Variants in UHRF2 observed in about 807,000 individuals in gnomAD.
The protein encoded by UHRF2 is ubiquitin like with PHD and ring finger domains 2.
In UHRF2, 23 loss-of-function variants were observed where a neutral mutation model predicts 96.8. That is an observed-to-expected ratio of 0.24 (90% CI 0.17 to 0.34). The LOEUF (loss-of-function observed/expected upper bound fraction) is 0.34, where lower values mean the gene tolerates loss of function less well. Among genes scored for constraint, UHRF2 ranks in the 10% least tolerant of loss-of-function variants. The probability of loss-of-function intolerance (pLI) is 1.00; values close to 1 mark genes in which losing one functional copy is unlikely to be tolerated. For missense variants in UHRF2, 685 were observed against 981.5 expected (o/e 0.70, Z 4.04); for synonymous variants, 385 against 332.6 (o/e 1.16, Z -1.72).
At chr9:6,485,803 C>CAAAAAAAAAA (rs57868028) in intron 8 of UHRF2, among the ~76,000 whole-genome samples, 2 of 59,218 alleles carry the variant, frequency 3.4e-5, no homozygotes, top group Admixed American at 2.7e-4. Flanking sequence ...TGTCTCTACC[C>CAAAAAAAAAA]AAAAAAAAAA....
rs1825083027 is a variant in UHRF2, at chr9:6,498,334, G to A, written c.1908+176G>A. The A allele has an allele frequency of 2.2e-5, 14 of 641,554 alleles. No homozygotes were observed. The South Asian group carries it at 5.3e-4, about 24-fold the overall frequency. 39.7% of individuals were successfully genotyped at this position (641,554 alleles called of 1,614,324 possible). ...GAAGAGAAAAGGTAGTATCCTAGAT[G>A]TCAGACTGCCCTGGGACCAAGGGTT... is the stretch of plus-strand genomic sequence containing the variant. On this transcript the variant is annotated intron_variant, in intron 12 of 15. Transcript: ENST00000276893.
At chr9:6,433,816 G>C in intron 2 of UHRF2, 98 bp from the exon 3 acceptor site, 1 of 1,279,930 alleles carries the variant, frequency 7.8e-7, no homozygotes, top group Non-Finnish European at 1.1e-6. Flanking sequence ...TGCAAATATT[G>C]TTTACCATGA....
intron 4 of UHRF2, among the ~76,000 whole-genome samples, chr9:6,471,325 A>C (rs1358903744): frequency 6.6e-6 from 1 of 152,126 alleles, no homozygotes; most frequent in Non-Finnish European, 1.5e-5. Context: ...GAATTAGCTC[A>C]GCAAACTAAT....
intron 4 of UHRF2, among the ~76,000 whole-genome samples, chr9:6,469,881 A>G (rs571554582): frequency 6.6e-6 from 1 of 152,152 alleles, no homozygotes; most frequent in South Asian, 2.1e-4. Flanking sequence ...AAAATTTCCA[A>G]AACTGATTAA....
In UHRF2 at chr9:6,481,981, G is replaced by A; in HGVS notation, c.1285-11G>A. ...TAACTGATTTCTCAACGTTTGTTTT[G>A]CGTCTTGTAGGGAATGGCTTGTGTT... On this transcript the variant is annotated splice_polypyrimidine_tract_variant and intron_variant, in intron 7 of 15. Transcript: ENST00000276893. 1 of 1,608,902 alleles carries A rather than the reference G, an allele frequency of 6.2e-7. No individual in the cohort carries two copies. Among genetic ancestry groups the A allele is most frequent in the Non-Finnish European group, 8.5e-7 (1 of 1,178,256 alleles).
Position 6,439,060 on chromosome 9 carries a change from TACAA to T in UHRF2, c.644+4891_644+4894del, listed in dbSNP as rs796319703. Among the ~76,000 whole-genome samples the T allele has an allele frequency of 1.4e-3, 211 of 152,330 alleles. 1 individual carries two copies. The highest frequency in any genetic ancestry group is 4.8e-3 in the African/African-American group (199 of 41,574). ...CCACTATTCCTTCAAAAATTACAGA[TACAA>T]ACACTAAGTTTATGAAAAACAGGTT... On this transcript the variant is annotated intron_variant, in intron 3 of 15. Coordinates refer to ENST00000276893, the MANE Select transcript of UHRF2 (RefSeq NM_152896.3).
rs144328650 is a variant in UHRF2 at position 6,489,405 on chromosome 9, T to C, written c.1497+2480T>C. Among the ~76,000 whole-genome samples the C allele has an allele frequency of 6.3e-4, 96 of 152,340 alleles. 1 individual carries two copies. The East Asian group carries it at 0.013, about 21-fold the overall frequency. Reference sequence around the variant, plus strand: ...AACAGGTTTTTTGTAAACGTAAGTCTTTATTTCTTTGGAATAAATGCCCCA... The same window carrying C: ...AACAGGTTTTTTGTAAACGTAAGTCCTTATTTCTTTGGAATAAATGCCCCA... On this transcript the variant is annotated intron_variant, in intron 9 of 15. Coordinates refer to ENST00000276893, the MANE Select transcript of UHRF2 (RefSeq NM_152896.3).
intron 2 of UHRF2, among the ~76,000 whole-genome samples, chr9:6,421,377 A>G (rs151266722): frequency 1.5e-4 from 23 of 152,286 alleles, no homozygotes; most frequent in African/African-American, 5.5e-4. Context: ...TAATTGCACC[A>G]AGGTTAAGAA....
intron 4 of UHRF2, among the ~76,000 whole-genome samples, chr9:6,464,812 G>C (rs2130859277): frequency 6.6e-6 from 1 of 152,174 alleles, no homozygotes; most frequent in Non-Finnish European, 1.5e-5. Flanking sequence ...ATACAACAGA[G>C]CACATGATCC....
intron 4 of UHRF2, among the ~76,000 whole-genome samples, chr9:6,469,363 C>G (rs986819823): frequency 6.6e-6 from 1 of 151,776 alleles, no homozygotes; most frequent in African/African-American, 2.4e-5. Context: ...ACTGAAAATA[C>G]AAAAATTAGC....
At chr9:6,486,782 T>TACAATAA in intron 8 of UHRF2, 39 bp from the exon 9 acceptor site, 1 of 1,593,892 alleles carries the variant, frequency 6.3e-7, no homozygotes, top group Non-Finnish European at 8.6e-7. Flanking sequence ...ATCTTAACTG[T>TACAATAA]TCAGAGGTAT....
intron 3 of UHRF2, among the ~76,000 whole-genome samples, chr9:6,450,220 CT>C (rs1251360574): frequency 4.0e-5 from 6 of 151,828 alleles, no homozygotes; most frequent in Non-Finnish European, 8.8e-5. Flanking sequence ...TAAAAATGTA[CT>C]TAGGTTGTTC....
At chr9:6,428,314 C>G (rs1191571064) in intron 2 of UHRF2, among the ~76,000 whole-genome samples, 1 of 152,078 alleles carries the variant, frequency 6.6e-6, no homozygotes, top group African/African-American at 2.4e-5. Context: ...ACAATACTCC[C>G]AGGAACTTAC....
At chr9:6,475,010 A>C (rs1196368884) in intron 4 of UHRF2, among the ~76,000 whole-genome samples, 1 of 152,228 alleles carries the variant, frequency 6.6e-6, no homozygotes, top group Non-Finnish European at 1.5e-5. Flanking sequence ...CTACCAAAGG[A>C]CAAAACAAAC....
chr9:6,445,713 A>G (rs1356618722), intron 3 of UHRF2, among the ~76,000 whole-genome samples: 1 of 152,042 alleles, frequency 6.6e-6, no homozygotes, highest in Non-Finnish European at 1.5e-5. Context: ...GCATGCCACC[A>G]TAACTGGCTA....
chr9:6,500,032 G>A, intron 13 of UHRF2, 101 bp downstream of exon 13: 1 of 935,410 alleles, frequency 1.1e-6, no homozygotes, highest in Non-Finnish European at 1.6e-6. Context: ...GAGTGCAGTG[G>A]AAAGATCTTG....
Position 6,506,256 on chromosome 9 carries a change from G to A in UHRF2, c.*77G>A, listed in dbSNP as rs1335630350. 2 of 1,560,338 alleles carry A rather than the reference G, an allele frequency of 1.3e-6. No homozygotes were observed. The highest frequency in any genetic ancestry group is 1.7e-6 in the Non-Finnish European group (2 of 1,146,152). The stretch of plus-strand genomic sequence containing the variant: ...TCTAAAATGGGTGGGGAGGGTGGAA[G>A]AAATGGTGGACTGTATCTCTCACGT... On this transcript the variant is annotated 3_prime_UTR_variant, in exon 16 of 16. Transcript: ENST00000276893.
chr9:6,489,246 A>G (rs1266698100), intron 9 of UHRF2, among the ~76,000 whole-genome samples: 1 of 152,076 alleles, frequency 6.6e-6, no homozygotes, highest in Non-Finnish European at 1.5e-5. Flanking sequence ...TCAATAGTTC[A>G]TTTCTTTTTA....
At chr9:6,469,179 C>T (rs148359955) in intron 4 of UHRF2, among the ~76,000 whole-genome samples, 20 of 152,218 alleles carry the variant, frequency 1.3e-4, no homozygotes, top group African/African-American at 4.8e-4. Context: ...TATGGAGATT[C>T]TAGAACTGAG....
Sources: gnomAD v4.1 joint callset for allele counts (sites outside exome capture counted in the v4.1 genomes callset) on GRCh38, gnomAD v4.1.1 for gene constraint, MANE v1.5 for transcripts, NCBI Gene and HGNC (gene_info 2026-07-23, HGNC 2026-07-21) for gene names.